Variants in GPC5 observed in about 807,000 individuals in gnomAD.
GPC5 encodes the protein glypican-5.
GPC5 carries 47 observed loss-of-function variants against 53.9 expected under a neutral mutation model. That is an observed-to-expected ratio of 0.87 (90% CI 0.69 to 1.11). The LOEUF is 1.11. Ranked by LOEUF, GPC5 falls within the 50% of genes most tolerant of loss-of-function variation. GPC5 has a pLI of 0.00. For synonymous variants in GPC5, 286 were observed against 263.3 expected (o/e 1.09, Z -0.84); for missense variants, 748 against 713.1 (o/e 1.05, Z -0.56).
intron 7 of GPC5, among the ~76,000 whole-genome samples, chr13:92,280,053 G>A (rs1445150364): frequency 1.3e-4 from 19 of 151,938 alleles, no homozygotes; most frequent in Admixed American, 1.2e-3. Context: ...CTTGTTGATG[G>A]TAGGTTTTTG....
At chr13:91,858,375 T>C (rs1566307358) in intron 5 of GPC5, among the ~76,000 whole-genome samples, 1 of 151,960 alleles carries the variant, frequency 6.6e-6, no homozygotes, top group South Asian at 2.1e-4. Context: ...TGATCATGTA[T>C]GAATGTTGAA....
At chr13:92,775,733 C>T (rs1484358363) in intron 7 of GPC5, among the ~76,000 whole-genome samples, 1 of 152,152 alleles carries the variant, frequency 6.6e-6, no homozygotes, top group Non-Finnish European at 1.5e-5. Flanking sequence ...ATCTATTTAG[C>T]TCATATCTAT....
intron 5 of GPC5, among the ~76,000 whole-genome samples, chr13:91,763,090 G>T (rs1215150773): frequency 1.3e-5 from 2 of 152,074 alleles, no homozygotes; most frequent in African/African-American, 4.8e-5. Flanking sequence ...AGACTCTGAG[G>T]GAATGACATT....
rs562837053 is a variant in GPC5 at position 91,608,902 on chromosome 13, AAATTTGTTTATTTAG to A, written c.326-84264_326-84250del. ...TTTCCCCTTTGATCATAGGGAAGGTAAATTTGTTTATTTAGAATTTGTTTATTTAGAATTTTGTTA... is the reference window on the plus strand; with the variant it reads ...TTTCCCCTTTGATCATAGGGAAGGTAAATTTGTTTATTTAGAATTTTGTTA... On this transcript the variant is annotated intron_variant, in intron 2 of 7. Coordinates refer to ENST00000377067, the MANE Select transcript of GPC5 (RefSeq NM_004466.6). 2.3e-3 allele frequency among the ~76,000 whole-genome samples: 348 copies of A among 151,112 alleles called. 6 individuals are homozygous for A. Among genetic ancestry groups the A allele is most frequent in the African/African-American group, 8.1e-3 (335 of 41,282 alleles).
At chr13:92,527,101 GA>G (rs1881311648) in intron 7 of GPC5, among the ~76,000 whole-genome samples, 1 of 47,602 alleles carries the variant, frequency 2.1e-5, no homozygotes, top group Admixed American at 3.4e-4. Context: ...TGTAGGAAAA[GA>G]AAGAAAAAAG....
At position 92,092,401 on chromosome 13, in the gene GPC5, A is replaced by G. The variant is rs115914907; in HGVS notation, c.1402-52429A>G. ...GCCTATACTTCGACTTATAAAATGT[A>G]TTATGTTCTGTATGGGCAAAAAGAA... On this transcript the variant is annotated intron_variant, in intron 6 of 7. Coordinates refer to ENST00000377067, the MANE Select transcript of GPC5 (RefSeq NM_004466.6). Among the ~76,000 whole-genome samples, 356 of 152,316 alleles carry G rather than the reference A, an allele frequency of 2.3e-3. 3 individuals carry two copies. Among genetic ancestry groups the G allele is most frequent in the African/African-American group, 8.2e-3 (342 of 41,576 alleles).
chr13:92,553,196 A>G (rs1882378445), intron 7 of GPC5, among the ~76,000 whole-genome samples: 1 of 151,900 alleles, frequency 6.6e-6, no homozygotes, highest in South Asian at 2.1e-4. Flanking sequence ...TTTTCTTCCA[A>G]CACAGAAACC....
chr13:92,018,019 C>T (rs908921845), intron 6 of GPC5, among the ~76,000 whole-genome samples: 5 of 151,676 alleles, frequency 3.3e-5, no homozygotes, highest in African/African-American at 1.2e-4. Flanking sequence ...TACACATGCA[C>T]GAGTACACAC....
At chr13:92,854,073 A>ATT (rs1435391616) in intron 7 of GPC5, among the ~76,000 whole-genome samples, 5 of 151,826 alleles carry the variant, frequency 3.3e-5, no homozygotes, top group Admixed American at 3.3e-4. Context: ...CTTTGTGTTA[A>ATT]AACCATTTGC....
At chr13:92,776,015 C>T (rs765754126) in intron 7 of GPC5, among the ~76,000 whole-genome samples, 117 of 152,184 alleles carry the variant, frequency 7.7e-4, no homozygotes, top group African/African-American at 2.7e-3. Context: ...TTCCTACAGG[C>T]GCTGTAAGAA....
In GPC5 at chr13:92,840,694, G is replaced by C. The variant is rs149424291; in HGVS notation, c.1562-25588G>C. Among the ~76,000 whole-genome samples the C allele has an allele frequency of 9.9e-5, 15 of 152,172 alleles. No homozygotes were observed. In the East Asian group the frequency reaches 2.9e-3, roughly 29 times the overall value. On this transcript the variant is annotated intron_variant, in intron 7 of 7. Transcript: ENST00000377067. ...TTAAGTTTATAGATTGCTTTGGGTA[G>C]TATGGATATTTTGACAATATTAAGT...
chr13:92,532,832 A>C (rs7318268), intron 7 of GPC5, among the ~76,000 whole-genome samples: 67,551 of 151,972 alleles, frequency 0.44, 15,656 homozygotes, highest in African/African-American at 0.57. Flanking sequence ...ATTTGTAAAA[A>C]AGAACATCTT....
At chr13:91,640,127 A>G (rs1467353899) in intron 2 of GPC5, among the ~76,000 whole-genome samples, 3 of 152,116 alleles carry the variant, frequency 2.0e-5, no homozygotes, top group Non-Finnish European at 4.4e-5. Flanking sequence ...AAGTATTTAT[A>G]TAGAATTAAC....
At chr13:91,425,794 G>A (rs781348079) in intron 1 of GPC5, among the ~76,000 whole-genome samples, 1 of 152,198 alleles carries the variant, frequency 6.6e-6, no homozygotes, top group Admixed American at 6.5e-5. Context: ...AATGGGCAGA[G>A]GTTGGAACAG....
intron 7 of GPC5, among the ~76,000 whole-genome samples, chr13:92,495,533 C>T (rs1879940049): frequency 6.6e-6 from 1 of 151,938 alleles, no homozygotes; most frequent in Admixed American, 6.6e-5. Context: ...AATTTGATTC[C>T]TCAGACTGGG....
intron 5 of GPC5, among the ~76,000 whole-genome samples, chr13:91,839,338 T>C (rs916709203): frequency 3.3e-5 from 5 of 152,116 alleles, no homozygotes; most frequent in African/African-American, 1.2e-4. Flanking sequence ...CAAAGGGTTC[T>C]AGTAATTTAC....
intron 2 of GPC5, among the ~76,000 whole-genome samples, chr13:91,631,462 G>A (rs768587473): frequency 2.0e-5 from 3 of 152,030 alleles, no homozygotes; most frequent in Non-Finnish European, 2.9e-5. Flanking sequence ...AACCTAGTAT[G>A]GACTCAAGGA....
chr13:92,722,592 T>C (rs888409414), intron 7 of GPC5, among the ~76,000 whole-genome samples: 4 of 151,924 alleles, frequency 2.6e-5, no homozygotes, highest in Non-Finnish European at 4.4e-5. Context: ...GACTGCCACC[T>C]ATTATCTTTT....
At chr13:91,757,460 C>T (rs1423718520) in intron 5 of GPC5, among the ~76,000 whole-genome samples, 2 of 151,914 alleles carry the variant, frequency 1.3e-5, no homozygotes, top group African/African-American at 4.8e-5. Context: ...TCCCGTAATC[C>T]CCAGGTGACC....
Sources: allele counts gnomAD v4.1 joint callset (sites outside exome capture counted in the v4.1 genomes callset), GRCh38; gene constraint gnomAD v4.1.1; transcripts MANE v1.5; gene names NCBI Gene and HGNC (gene_info 2026-07-23, HGNC 2026-07-21).